The following CTNNA3 variants were observed in gnomAD, a reference collection of about 807,000 sequenced individuals.
CTNNA3 encodes the protein catenin alpha-3.
Under a neutral mutation model 95.7 loss-of-function variants are expected in CTNNA3, and 76 were observed. The observed-to-expected ratio is 0.79, with a 90% CI of 0.66 to 0.96. The LOEUF is 0.96. Ranked by LOEUF, CTNNA3 falls within the 40% of genes least tolerant of loss-of-function variation. The pLI, the probability that CTNNA3 is intolerant of heterozygous loss-of-function variation, is 0.00. For missense variants in CTNNA3, 1,191 were observed against 1,089.8 expected, an observed-to-expected ratio of 1.09 and a Z score of -1.31; for synonymous variants, 431 against 374.4, an observed-to-expected ratio of 1.15 and a Z score of -1.74.
chr10:67,512,125 T>G (rs1274042104), intron 5 of CTNNA3, among the ~76,000 whole-genome samples: 2 of 152,120 alleles, frequency 1.3e-5, no homozygotes, highest in African/African-American at 2.4e-5. Context: ...TATAAAAAGG[T>G]GCTCACATCA....
At chr10:67,086,177 T>C (rs752820532) in intron 7 of CTNNA3, among the ~76,000 whole-genome samples, 1 of 151,980 alleles carries the variant, frequency 6.6e-6, no homozygotes, top group Non-Finnish European at 1.5e-5. Context: ...TTCATACTTA[T>C]GTGGATATAA....
At chr10:65,953,301 T>C (rs542836178) in intron 17 of CTNNA3, among the ~76,000 whole-genome samples, 122 of 152,178 alleles carry the variant, frequency 8.0e-4, no homozygotes, top group Non-Finnish European at 1.5e-3. Flanking sequence ...AGGACATTCA[T>C]ACATCAAGAT....
At chr10:66,528,259 G>T (rs1841339138) in intron 10 of CTNNA3, among the ~76,000 whole-genome samples, 1 of 152,084 alleles carries the variant, frequency 6.6e-6, no homozygotes, top group South Asian at 2.1e-4. Flanking sequence ...ATCTTCTTTA[G>T]GCTTCTCCCC....
chr10:67,441,081 T>A (rs1846494638), intron 5 of CTNNA3, among the ~76,000 whole-genome samples: 3 of 151,734 alleles, frequency 2.0e-5, no homozygotes, highest in Admixed American at 2.0e-4. Context: ...CAGAATTCCA[T>A]CAGATAAATT....
At chr10:66,726,200 T>C (rs1321146988) in intron 9 of CTNNA3, among the ~76,000 whole-genome samples, 1 of 152,098 alleles carries the variant, frequency 6.6e-6, no homozygotes, top group Non-Finnish European at 1.5e-5. Context: ...AGCCATACTT[T>C]GATTCTTTTT....
upstream of CTNNA3, among the ~76,000 whole-genome samples, chr10:67,698,529 A>G (rs1176551704): frequency 6.6e-6 from 1 of 152,196 alleles, no homozygotes; most frequent in African/African-American, 2.4e-5. Context: ...TTTAGTCAGA[A>G]TGGAGTAGTT....
chr10:67,309,480 A>G (rs1485409752), intron 5 of CTNNA3, among the ~76,000 whole-genome samples: 1 of 152,194 alleles, frequency 6.6e-6, no homozygotes, highest in Non-Finnish European at 1.5e-5. Context: ...GACATGGATG[A>G]GAAGCCTGGG....
At chr10:65,994,127 T>A (rs1305531627) in intron 15 of CTNNA3, among the ~76,000 whole-genome samples, 1 of 152,200 alleles carries the variant, frequency 6.6e-6, no homozygotes, top group Non-Finnish European at 1.5e-5. Flanking sequence ...TTCTGGATGT[T>A]TTGTGTATAC....
chr10:66,309,142 T>C (rs769639718), intron 12 of CTNNA3, among the ~76,000 whole-genome samples: 13 of 152,214 alleles, frequency 8.5e-5, no homozygotes, highest in Non-Finnish European at 1.8e-4. Context: ...CAAATGTGTT[T>C]ATGCAGGCAT....
chr10:66,868,373 A>T (rs180826694), intron 7 of CTNNA3, among the ~76,000 whole-genome samples: 2,499 of 110,192 alleles, frequency 0.023, 72 homozygotes, highest in African/African-American at 0.1. Flanking sequence ...CGCAAAAATT[A>T]AAAAAAAAAT....
chr10:67,385,077 AAG>A (rs758883483), intron 5 of CTNNA3, among the ~76,000 whole-genome samples: 1 of 152,172 alleles, frequency 6.6e-6, no homozygotes, highest in Non-Finnish European at 1.5e-5. Flanking sequence ...GCTACCAAAA[AAG>A]GGCCTATTTT....
intron 15 of CTNNA3, among the ~76,000 whole-genome samples, chr10:66,051,781 G>C (rs1364441924): frequency 6.6e-6 from 1 of 152,074 alleles, no homozygotes; most frequent in Non-Finnish European, 1.5e-5. Flanking sequence ...AAACATGATA[G>C]AACCCTTTCC....
chr10:66,137,661 T>G (rs1425096240), intron 13 of CTNNA3, among the ~76,000 whole-genome samples: 7 of 152,064 alleles, frequency 4.6e-5, no homozygotes, highest in Middle Eastern at 3.2e-3. Flanking sequence ...AAAAATAAGT[T>G]TGTGGACTGG....
At chr10:67,252,231 A>AAC (rs960464090) in intron 5 of CTNNA3, among the ~76,000 whole-genome samples, 5 of 151,672 alleles carry the variant, frequency 3.3e-5, no homozygotes, top group African/African-American at 1.2e-4. Context: ...AAAAAAAAAA[A>AAC]AAAAAGACCT....
At chr10:67,590,558 A>G (rs764295808) in intron 3 of CTNNA3, among the ~76,000 whole-genome samples, 7 of 152,148 alleles carry the variant, frequency 4.6e-5, no homozygotes, top group Non-Finnish European at 5.9e-5. Flanking sequence ...TCTTTCTAAC[A>G]TATGGTATTG....
At chr10:67,306,780 AT>A (rs201064308) in intron 5 of CTNNA3, among the ~76,000 whole-genome samples, 1 of 151,716 alleles carries the variant, frequency 6.6e-6, no homozygotes, top group Non-Finnish European at 1.5e-5. Flanking sequence ...CTGCTGGTGG[AT>A]TTTTTTAAAA....
intron 9 of CTNNA3, among the ~76,000 whole-genome samples, chr10:66,659,044 A>C (rs1451303723): frequency 6.6e-6 from 1 of 152,048 alleles, no homozygotes; most frequent in Non-Finnish European, 1.5e-5. Flanking sequence ...ACATGTATTC[A>C]CTGAATGAAT....
chr10:65,935,601 A>C (rs997706321), intron 17 of CTNNA3, among the ~76,000 whole-genome samples: 1 of 152,128 alleles, frequency 6.6e-6, no homozygotes, highest in Non-Finnish European at 1.5e-5. Flanking sequence ...ATGATGAGAA[A>C]ATGTGGTGAA....
intron 13 of CTNNA3, among the ~76,000 whole-genome samples, chr10:66,208,804 C>T (rs1564767095): frequency 6.6e-6 from 1 of 152,024 alleles, no homozygotes; most frequent in South Asian, 2.1e-4. Context: ...ACCCACTCCA[C>T]ATTCTCACAT....
Sources: gnomAD v4.1 joint callset for allele counts (sites outside exome capture counted in the v4.1 genomes callset) on GRCh38, gnomAD v4.1.1 for gene constraint, MANE v1.5 for transcripts, NCBI Gene and HGNC (gene_info 2026-07-23, HGNC 2026-07-21) for gene names.